PEX13: variants seen among roughly 807,000 people sequenced by gnomAD.
PEX13 encodes peroxisome biogenesis factor 13.
A neutral mutation model predicts 34.5 loss-of-function variants in PEX13; 28 were observed. That is an observed-to-expected ratio of 0.81 (90% confidence interval 0.60 to 1.11). The LOEUF (loss-of-function observed/expected upper bound fraction) is 1.11, where lower values mean the gene tolerates loss of function less well. Ranked by LOEUF, PEX13 falls within the 50% of genes most tolerant of loss-of-function variation. The pLI is 0.00. For missense variants in PEX13, 550 were observed against 491.0 expected (o/e 1.12, Z -1.13); for synonymous variants, 177 against 175.1 (o/e 1.01, Z -0.09).
At chr2:61,018,143 T>C in intron 1 of PEX13, 3 of 1,550,208 alleles carry the variant, frequency 1.9e-6, no homozygotes, top group Non-Finnish European at 2.6e-6. Flanking sequence ...ACCTACCGCT[T>C]CTGTTTTCAC....
intron 2 of PEX13, among the ~76,000 whole-genome samples, chr2:61,044,196 C>T (rs1341555426): frequency 6.6e-6 from 1 of 152,126 alleles, no homozygotes; most frequent in Non-Finnish European, 1.5e-5. Flanking sequence ...GCAATCCTGC[C>T]TTAGCGTCCC....
At chr2:61,046,066 GAAAGGCTTTGTTTATATAGGCTTTTCT>G (rs1451355612) in intron 3 of PEX13, among the ~76,000 whole-genome samples, 14 of 152,058 alleles carry the variant, frequency 9.2e-5, no homozygotes, top group African/African-American at 3.4e-4. Context: ...CTGAGATAAG[GAAAGGCTTTGTTTATATAGGCTTTTCT>G]AAACTCAAAA....
intron 3 of PEX13, among the ~76,000 whole-genome samples, chr2:61,047,905 A>G (rs1276865555): frequency 6.6e-6 from 1 of 152,236 alleles, no homozygotes; most frequent in Non-Finnish European, 1.5e-5. Flanking sequence ...CTTTAAGCTT[A>G]GAGTATTGCC....
intron 1 of PEX13, among the ~76,000 whole-genome samples, chr2:61,023,650 A>T (rs1680303081): frequency 2.0e-5 from 3 of 151,876 alleles, no homozygotes. Flanking sequence ...GACTATTAAG[A>T]CATTTATTGT....
At chr2:61,018,811 C>T (rs1435389136) in intron 1 of PEX13, 2 of 152,330 alleles carry the variant, frequency 1.3e-5, no homozygotes, top group African/African-American at 2.4e-5. Flanking sequence ...GTGACATTAT[C>T]TGCTACCTTT....
chr2:61,025,095 G>T (rs1368099291), intron 1 of PEX13, among the ~76,000 whole-genome samples: 1 of 151,870 alleles, frequency 6.6e-6, no homozygotes, highest in African/African-American at 2.4e-5. Context: ...TTTTGAGACA[G>T]TCTCACTCTG....
In PEX13 at chr2:61,046,566, A is replaced by G. The variant is rs372572338; in HGVS notation, c.913+715A>G. On this transcript the variant is annotated intron_variant, in intron 3 of 3. Coordinates refer to ENST00000295030, the MANE Select transcript of PEX13 (RefSeq NM_002618.4). ...ATTGAGTACTTACTATGTACAAGGTACTGTATTTTACATATTTCATTTAAG... is the reference window on the plus strand; with the variant it reads ...ATTGAGTACTTACTATGTACAAGGTGCTGTATTTTACATATTTCATTTAAG... Among the ~76,000 whole-genome samples, 25 of 152,322 alleles carry G rather than the reference A, an allele frequency of 1.6e-4. No homozygotes were observed. In the East Asian group the frequency reaches 1.9e-3, roughly 12 times the overall value.
intron 3 of PEX13, 95 bp downstream of exon 3, chr2:61,045,946 G>T: frequency 4.6e-6 from 5 of 1,078,688 alleles, no homozygotes; most frequent in Non-Finnish European, 7.1e-6. Context: ...TTCATTGTTA[G>T]TTAACTTAGA....
Position 61,045,727 on chromosome 2 carries a change from C to G in PEX13, c.789C>G (p.Asp263Glu). 2 of 1,612,762 alleles carry G rather than the reference C, an allele frequency of 1.2e-6. No homozygotes were observed. Among genetic ancestry groups the G allele is most frequent in the Non-Finnish European group, 8.5e-7 (1 of 1,178,798 alleles). The change falls in exon 3 of 4, where the codon GAC becomes GAG. Residue 263 changes from aspartate to glutamate, a missense_variant and splice_region_variant. Coordinates refer to ENST00000295030, the MANE Select transcript of PEX13 (RefSeq NM_002618.4). ...LLSTHSDEVT[D>E]SINWASGEDD... is the part of the protein sequence containing the mutation. ...ACCTAATTTTAATTTGGCTTATAGA[C>G]AGCATCAACTGGGCAAGTGGTGAGG...
chr2:61,025,414 A>C (rs1204168450), intron 1 of PEX13, among the ~76,000 whole-genome samples: 1 of 152,002 alleles, frequency 6.6e-6, no homozygotes, highest in East Asian at 1.9e-4. Context: ...GCTGGAGTGC[A>C]GTGGTACAAT....
intron 2 of PEX13, among the ~76,000 whole-genome samples, chr2:61,044,285 T>C (rs1177161908): frequency 1.3e-5 from 2 of 152,092 alleles, no homozygotes; most frequent in African/African-American, 2.4e-5. Flanking sequence ...TTGTTTTCTT[T>C]TTGAGACAGG....
chr2:61,030,577 A>G (rs772308420), intron 1 of PEX13, among the ~76,000 whole-genome samples: 1 of 152,198 alleles, frequency 6.6e-6, no homozygotes, highest in East Asian at 1.9e-4. Context: ...CAGGTGTTAG[A>G]TAAGCTTCAT....
chr2:61,044,481 A>G (rs963781269), intron 2 of PEX13, among the ~76,000 whole-genome samples: 1 of 152,038 alleles, frequency 6.6e-6, no homozygotes, highest in African/African-American at 2.4e-5. Context: ...GAACTGCTGG[A>G]CTCATGCAAT....
chr2:61,044,608 A>G (rs1274733803), intron 2 of PEX13, among the ~76,000 whole-genome samples: 1 of 151,674 alleles, frequency 6.6e-6, no homozygotes, highest in Non-Finnish European at 1.5e-5. Context: ...CTGGTCTCAA[A>G]CTCCCGACCT....
chr2:61,035,023 CCCTGACCCCTGTGTAG>C (rs1680513042), intron 2 of PEX13, among the ~76,000 whole-genome samples: 1 of 152,222 alleles, frequency 6.6e-6, no homozygotes, highest in South Asian at 2.1e-4. Flanking sequence ...TCAAGCAGGT[CCCTGACCCCTGTGTAG>C]CCTGACTGGG....
rs988856957 is a variant in PEX13 at position 61,031,985 on chromosome 2, G to A, written c.659G>A (p.Cys220Tyr). 1.2e-6 allele frequency: 2 copies of A among 1,613,810 alleles called. No individual in the cohort carries two copies. The highest frequency in any genetic ancestry group is 1.7e-5 in the Admixed American group (1 of 59,990). The change falls in exon 2 of 4, where the codon TGC (cysteine) becomes TAC (tyrosine). Residue 220 changes from cysteine (C) to tyrosine (Y), a missense_variant. Cys to Tyr is a radical substitution (Grantham distance 194). Transcript: ENST00000295030. ...LWAESEGTVA[C>Y]LGAEDRAATS... is the part of the protein sequence containing the mutation. ...GCAGAGAGTGAAGGAACTGTGGCAT[G>A]CCTTGGTGCTGAGGACCGAGCAGCT... is the stretch of plus-strand genomic sequence containing the variant.
In PEX13 at chr2:61,018,058, C is replaced by T. The variant is rs989008494; in HGVS notation, c.92+207C>T. 7 of 1,490,722 alleles carry T rather than the reference C, an allele frequency of 4.7e-6. No individual in the cohort carries two copies. The African/African-American group carries it at 5.6e-5, about 12-fold the overall frequency. The allele number at this position is 1,490,722 out of a possible 1,614,324, so 92.3% of individuals were successfully genotyped here. ...CTGTTTCTGACCCGGCAGCTCTAAT[C>T]AGCAACGTTTTTTTCGGGAGCTCCT... On this transcript the variant is annotated intron_variant, in intron 1 of 3. Coordinates refer to ENST00000295030, the MANE Select transcript of PEX13 (RefSeq NM_002618.4).
At chr2:61,030,316 G>A (rs1247485487) in intron 1 of PEX13, among the ~76,000 whole-genome samples, 1 of 152,104 alleles carries the variant, frequency 6.6e-6, no homozygotes, top group Non-Finnish European at 1.5e-5. Context: ...ACGTACATCA[G>A]GTAAAAATCT....
rs1245496730 is a variant in PEX13, at chr2:61,050,383, A to G, written c.*1613A>G. The stretch of plus-strand genomic sequence containing the variant: ...AGAGCAAGACTCTGTCTCAAAACAA[A>G]CAAACAAAAAATAATAATACGATAA... On this transcript the variant is annotated 3_prime_UTR_variant, in exon 4 of 4. Coordinates refer to ENST00000295030, the MANE Select transcript of PEX13 (RefSeq NM_002618.4). The G allele has an allele frequency of 6.6e-6, 1 of 152,110 alleles. No individual in the cohort carries two copies. The highest frequency in any genetic ancestry group is 1.5e-5 in the Non-Finnish European group (1 of 67,976). The allele number at this position is 152,110 out of a possible 1,614,324, so 9.4% of individuals were successfully genotyped here.
Sources: allele counts gnomAD v4.1 joint callset (sites outside exome capture counted in the v4.1 genomes callset), GRCh38; gene constraint gnomAD v4.1.1; transcripts MANE v1.5; gene names NCBI Gene and HGNC (gene_info 2026-07-23, HGNC 2026-07-21).